The following ASIC2 variants were observed in gnomAD, a reference collection of about 807,000 sequenced individuals.
ASIC2 encodes the protein acid-sensing ion channel 2.
A neutral mutation model predicts 57.3 loss-of-function variants in ASIC2; 25 were observed. That is an observed-to-expected ratio of 0.44 (90% CI 0.32 to 0.61). The LOEUF is 0.61. ASIC2 is among the 20% of genes least tolerant of loss of function. The pLI, the probability that ASIC2 is intolerant of heterozygous loss-of-function variation, is 0.06. For synonymous variants in ASIC2, 319 were observed against 307.5 expected, an observed-to-expected ratio of 1.04 and a Z score of -0.39; for missense variants, 641 against 738.1, an observed-to-expected ratio of 0.87 and a Z score of 1.52.
At chr17:33,247,205 C>G (rs1441385689) in intron 1 of ASIC2, among the ~76,000 whole-genome samples, 1 of 152,202 alleles carries the variant, frequency 6.6e-6, no homozygotes. Flanking sequence ...GTTCAGAAAT[C>G]ATAGCCAGTG....
chr17:33,291,394 G>T lies in ASIC2; in HGVS notation c.708+14C>A. ...GGGCGCAGAGGGAGCGGGTTCGCGCGGAGGGCAACTCACGGAGGAGAAGTT... is the reference window on the plus strand; with the variant it reads ...GGGCGCAGAGGGAGCGGGTTCGCGCTGAGGGCAACTCACGGAGGAGAAGTT... On this transcript the variant is annotated intron_variant, in intron 1 of 9. Transcript: ENST00000225823. 1 of 1,586,286 alleles carries T rather than the reference G, an allele frequency of 6.3e-7. No individual in the cohort carries two copies.
chr17:33,923,439 G>C (rs1489131964), intron 1 of ASIC2, among the ~76,000 whole-genome samples: 1 of 152,180 alleles, frequency 6.6e-6, no homozygotes, highest in African/African-American at 2.4e-5. Flanking sequence ...GAAATAAAAT[G>C]ACTTCTCAGG....
rs1567650514 is a variant in ASIC2, at chr17:33,560,977, GT to G, written c.556-448911del. Among the ~76,000 whole-genome samples the G allele has an allele frequency of 2.0e-5, 3 of 152,146 alleles. No homozygotes were observed. The South Asian group carries it at 6.3e-4, about 32-fold the overall frequency. On this transcript the variant is annotated intron_variant, in intron 1 of 9. Coordinates refer to the ASIC2 transcript ENST00000359872. Reference sequence around the variant, plus strand: ...ACATCGCCTCCCTGGTGTGCATCCTGTTTTTTTGTATGCAGTAGTAGGTGGC... The same window carrying G: ...ACATCGCCTCCCTGGTGTGCATCCTGTTTTTTGTATGCAGTAGTAGGTGGC...
intron 1 of ASIC2, among the ~76,000 whole-genome samples, chr17:33,194,648 TATCAATCTGTTATTCCCAGATTGGGAA>T (rs141063210): frequency 0.64 from 96,809 of 151,284 alleles, 32,059 homozygotes; most frequent in African/African-American, 0.82. Flanking sequence ...CAGATTGGGA[TATCAATCTGTTATTCCCAGATTGGGAA>T]ATCAATCTGT....
intron 1 of ASIC2, chr17:34,038,380 C>T (rs1462953475): frequency 1.2e-6 from 2 of 1,611,682 alleles, no homozygotes; most frequent in Admixed American, 3.3e-5. Context: ...GATGGTCCAG[C>T]TCTTTATGAA....
At chr17:34,015,068 CT>C (rs776970617) in intron 1 of ASIC2, among the ~76,000 whole-genome samples, 2,803 of 129,636 alleles carry the variant, frequency 0.022, 48 homozygotes, top group African/African-American at 0.068. Flanking sequence ...TTTCTTCTGC[CT>C]TTTTTTTTTT....
chr17:33,933,759 C>T (rs1200527624), intron 1 of ASIC2, among the ~76,000 whole-genome samples: 2 of 152,232 alleles, frequency 1.3e-5, no homozygotes, highest in Admixed American at 1.3e-4. Flanking sequence ...TGTGAGGTCT[C>T]ACTCGTTCAT....
At chr17:33,598,104 A>G (rs1905033492) in intron 1 of ASIC2, among the ~76,000 whole-genome samples, 1 of 152,260 alleles carries the variant, frequency 6.6e-6, no homozygotes, top group African/African-American at 2.4e-5. Context: ...CCCAGAGAGC[A>G]TTTCATTTCA....
At chr17:33,318,164 T>A (rs1056406360) in intron 1 of ASIC2, among the ~76,000 whole-genome samples, 2 of 152,180 alleles carry the variant, frequency 1.3e-5, no homozygotes, top group Non-Finnish European at 2.9e-5. Context: ...CCTTACTGCT[T>A]TCCTCTTTCT....
intron 1 of ASIC2, among the ~76,000 whole-genome samples, chr17:33,855,831 C>T (rs1204517582): frequency 6.6e-6 from 1 of 152,188 alleles, no homozygotes; most frequent in Non-Finnish European, 1.5e-5. Context: ...ACTCTACCAA[C>T]TTCTCATGAG....
At chr17:33,215,263 G>C (rs975707661) in intron 1 of ASIC2, among the ~76,000 whole-genome samples, 2 of 152,188 alleles carry the variant, frequency 1.3e-5, no homozygotes, top group Non-Finnish European at 2.9e-5. Context: ...GCAACTGATT[G>C]GAAAACAGAT....
At chr17:33,029,709 A>G (rs1412327519) in intron 3 of ASIC2, among the ~76,000 whole-genome samples, 3 of 152,246 alleles carry the variant, frequency 2.0e-5, no homozygotes, top group Non-Finnish European at 4.4e-5. Flanking sequence ...AAACTGCCCA[A>G]CTGTTATCCA....
chr17:33,065,248 C>T (rs1176500307), intron 3 of ASIC2, among the ~76,000 whole-genome samples: 1 of 152,120 alleles, frequency 6.6e-6, no homozygotes, highest in Non-Finnish European at 1.5e-5. Flanking sequence ...ACAGTCATAG[C>T]TAACTGTGGC....
intron 1 of ASIC2, among the ~76,000 whole-genome samples, chr17:33,879,086 C>G (rs1453045326): frequency 6.6e-6 from 1 of 152,090 alleles, no homozygotes. Context: ...CAGGCCTGCC[C>G]TAAAAGAGCT....
At chr17:33,842,837 T>A (rs147029358) in intron 1 of ASIC2, among the ~76,000 whole-genome samples, 3,484 of 152,088 alleles carry the variant, frequency 0.023, 54 homozygotes, top group Middle Eastern at 0.062. Context: ...TACTGACACG[T>A]GATGGGCTGT....
At chr17:34,079,778 G>A (rs1598012460) in intron 1 of ASIC2, among the ~76,000 whole-genome samples, 1 of 152,292 alleles carries the variant, frequency 6.6e-6, no homozygotes, top group Admixed American at 6.5e-5. Flanking sequence ...TTGTCATAAG[G>A]GGATTTTCAC....
chr17:34,089,160 T>C (rs1247158004), intron 1 of ASIC2, among the ~76,000 whole-genome samples: 1 of 152,196 alleles, frequency 6.6e-6, no homozygotes, highest in African/African-American at 2.4e-5. Context: ...ACTGGAGCTG[T>C]TCCTATTCCG....
chr17:34,061,630 T>A (rs1157240912), intron 1 of ASIC2, among the ~76,000 whole-genome samples: 1 of 152,056 alleles, frequency 6.6e-6, no homozygotes, highest in African/African-American at 2.4e-5. Flanking sequence ...TTTAGGAGAC[T>A]CACATAACAC....
intron 1 of ASIC2, among the ~76,000 whole-genome samples, chr17:33,994,303 A>G (rs1233109993): frequency 6.6e-6 from 1 of 152,202 alleles, no homozygotes; most frequent in Admixed American, 6.5e-5. Context: ...TGGATTAGGC[A>G]CAGGATGCAA....
Sources: allele counts gnomAD v4.1 joint callset (sites outside exome capture counted in the v4.1 genomes callset), GRCh38; gene constraint gnomAD v4.1.1; transcripts MANE v1.5; gene names NCBI Gene and HGNC (gene_info 2026-07-23, HGNC 2026-07-21).